Variants in SPRED1 observed in about 807,000 individuals in gnomAD.
The protein encoded by SPRED1 is sprouty-related, EVH1 domain-containing protein 1.
In SPRED1, 18 loss-of-function variants were observed where a neutral mutation model predicts 52.3. The observed-to-expected ratio is 0.34, with a 90% CI of 0.24 to 0.51. The LOEUF (loss-of-function observed/expected upper bound fraction) is 0.51. Among genes scored for constraint, SPRED1 ranks in the 20% least tolerant of loss-of-function variants. The pLI is 0.97. For synonymous variants in SPRED1, 155 were observed against 179.7 expected, an observed-to-expected ratio of 0.86 and a Z score of 1.10; for missense variants, 485 against 551.0, an observed-to-expected ratio of 0.88 and a Z score of 1.20.
chr15:38,311,707 A>AAT (rs1195966714), intron 2 of SPRED1, among the ~76,000 whole-genome samples: 30 of 152,198 alleles, frequency 2.0e-4, no homozygotes, highest in Admixed American at 2.0e-3. Flanking sequence ...TATGAGCATA[A>AAT]AGTTGTTCTT....
chr15:38,339,256 A>AT (rs934184576), intron 4 of SPRED1, among the ~76,000 whole-genome samples: 18 of 152,126 alleles, frequency 1.2e-4, no homozygotes, highest in Non-Finnish European at 2.1e-4. Context: ...GTTGAGTCTA[A>AT]TTTATTCATT....
chr15:38,268,947 T>C lies in SPRED1; in HGVS notation c.32+15730T>C, dbSNP rs547973295. On this transcript the variant is annotated intron_variant, in intron 1 of 6. Coordinates refer to ENST00000299084, the MANE Select transcript of SPRED1 (RefSeq NM_152594.3). ...TATAGTACTAACTTTTTTCTTTTTT[T>C]TTTTTTTTTTTGAGACAGAGTCCCG... Among the ~76,000 whole-genome samples, 1,272 of 150,638 alleles carry C rather than the reference T, an allele frequency of 8.4e-3. 18 individuals are homozygous for C. Among genetic ancestry groups the C allele is most frequent in the African/African-American group, 0.029 (1,198 of 41,278 alleles).
At chr15:38,272,031 C>T (rs919182056) in intron 1 of SPRED1, among the ~76,000 whole-genome samples, 2 of 152,128 alleles carry the variant, frequency 1.3e-5, no homozygotes, top group African/African-American at 4.8e-5. Flanking sequence ...CCTGAATTCA[C>T]TTAGGATAAT....
At chr15:38,323,607 A>G (rs915157434) in intron 3 of SPRED1, among the ~76,000 whole-genome samples, 2 of 110,882 alleles carry the variant, frequency 1.8e-5, no homozygotes, top group African/African-American at 3.0e-5. Context: ...TTTGAATTTG[A>G]AGAAAAAAAA....
At chr15:38,338,065 A>T (rs1429472424) in intron 4 of SPRED1, among the ~76,000 whole-genome samples, 1 of 127,946 alleles carries the variant, frequency 7.8e-6, no homozygotes, top group African/African-American at 3.0e-5. Context: ...AAAAAAAAAT[A>T]GCTGGGCGTG....
Position 38,355,980 on chromosome 15 carries a change from T to G in SPRED1, c.*4316T>G, listed in dbSNP as rs1398775259. 6.6e-6 allele frequency: 1 copy of G among 152,158 alleles called. No individual in the cohort carries two copies. The highest frequency in any genetic ancestry group is 1.5e-5 in the Non-Finnish European group (1 of 68,004). 9.4% of individuals were successfully genotyped at this position (152,158 alleles called of 1,614,324 possible). A position where few individuals can be genotyped will look rare whatever the true frequency, so the allele number is the denominator to read the frequency against. On this transcript the variant is annotated 3_prime_UTR_variant, in exon 7 of 7. Coordinates refer to ENST00000299084, the MANE Select transcript of SPRED1 (RefSeq NM_152594.3). ...TACTGTTTGCCTAGCAGCCAGGTGG[T>G]TATAAAAGATTCATATGCTTTGGTA...
chr15:38,279,649 T>A (rs551908905), intron 1 of SPRED1, among the ~76,000 whole-genome samples: 5 of 152,326 alleles, frequency 3.3e-5, no homozygotes, highest in African/African-American at 7.2e-5. Flanking sequence ...TTTCCTCATC[T>A]GTAAAATGAG....
At chr15:38,284,081 T>C (rs1894752643) in intron 1 of SPRED1, among the ~76,000 whole-genome samples, 1 of 152,198 alleles carries the variant, frequency 6.6e-6, no homozygotes, top group African/African-American at 2.4e-5. Flanking sequence ...TTCCAGATTA[T>C]CTTTTAAGGC....
rs376226762 is a variant in SPRED1 at position 38,351,016 on chromosome 15, C to G, written c.687C>G (p.Val229=). The change falls in exon 7 of 7, where the codon GTC becomes GTG. Residue 229 remains valine, a splice_region_variant and synonymous_variant. Coordinates refer to ENST00000299084, the MANE Select transcript of SPRED1 (RefSeq NM_152594.3). ...ECGSLKSQNR[V]PLKSIRHVSF... ...GTTTTTATCTGTTTCTTTTTTAGGT[C>G]CCTTTGAAATCAATCAGACATGTCA... is the stretch of plus-strand genomic sequence containing the variant. The G allele has an allele frequency of 6.2e-7, 1 of 1,612,258 alleles. No individual in the cohort carries two copies. The highest frequency in any genetic ancestry group is 1.3e-5 in the African/African-American group (1 of 74,858).
At chr15:38,279,490 A>T (rs983164908) in intron 1 of SPRED1, among the ~76,000 whole-genome samples, 1 of 152,208 alleles carries the variant, frequency 6.6e-6, no homozygotes, top group African/African-American at 2.4e-5. Context: ...GGATGTGTGT[A>T]TGTGGTTTTG....
At chr15:38,295,690 T>C (rs1895021365) in intron 1 of SPRED1, among the ~76,000 whole-genome samples, 1 of 152,168 alleles carries the variant, frequency 6.6e-6, no homozygotes, top group Non-Finnish European at 1.5e-5. Flanking sequence ...GTAAGAGGGA[T>C]AGGGGATAGA....
rs777379558 is a variant in SPRED1 at position 38,351,193 on chromosome 15, A to C, written c.864A>C (p.Lys288Asn). 5.0e-6 allele frequency: 8 copies of C among 1,614,162 alleles called. No homozygotes were observed. The Admixed American group carries it at 1.3e-4, about 27-fold the overall frequency. ...TTCAGTTTTCTAAACCAGACAGTAA[A>C]AAATCAGACTATCTGTACTCTTGTG... Reference protein sequence around the residue: ...SSIQFSKPDSKKSDYLYSCGD... With the variant: ...SSIQFSKPDSNKSDYLYSCGD... Residue 288 changes from lysine to asparagine, a missense_variant, in exon 7 of 7, where the codon AAA becomes AAC. By Grantham distance (94) the Lys-to-Asn change is moderately conservative. This residue lies in a region of SPRED1 where 205 missense variants were observed against 245.2 expected (regional missense o/e 0.84). Transcript: ENST00000299084.
intron 1 of SPRED1, among the ~76,000 whole-genome samples, chr15:38,283,988 A>G (rs1312053529): frequency 6.6e-6 from 1 of 152,148 alleles, no homozygotes; most frequent in Non-Finnish European, 1.5e-5. Flanking sequence ...TTCTTTGTCC[A>G]TGTGATTATA....
intron 1 of SPRED1, among the ~76,000 whole-genome samples, chr15:38,284,279 A>G (rs1894755672): frequency 6.6e-6 from 1 of 152,080 alleles, no homozygotes; most frequent in Admixed American, 6.6e-5. Context: ...TTTTTATTTT[A>G]CCATAATAAA....
At chr15:38,273,292 C>T (rs1224428429) in intron 1 of SPRED1, among the ~76,000 whole-genome samples, 1 of 152,030 alleles carries the variant, frequency 6.6e-6, no homozygotes, top group African/African-American at 2.4e-5. Flanking sequence ...TTTGAAGAAA[C>T]ATCTTTATGT....
chr15:38,266,603 T>G (rs1700292830), intron 1 of SPRED1, among the ~76,000 whole-genome samples: 3 of 152,172 alleles, frequency 2.0e-5, no homozygotes, highest in Admixed American at 6.5e-5. Flanking sequence ...GATCGTGCAC[T>G]GTGCTCCAGC....
At chr15:38,278,770 A>G (rs1272348603) in intron 1 of SPRED1, among the ~76,000 whole-genome samples, 1 of 6,754 alleles carries the variant, frequency 1.5e-4, no homozygotes, top group Non-Finnish European at 9.4e-4. Context: ...AGAATGACAA[A>G]GAAAAAAAAG....
chr15:38,291,914 A>G (rs1018970085), intron 1 of SPRED1, among the ~76,000 whole-genome samples: 1 of 152,210 alleles, frequency 6.6e-6, no homozygotes, highest in African/African-American at 2.4e-5. Context: ...GCTCCTTTCT[A>G]CTTAAGCAAA....
At chr15:38,291,019 CAAG>C (rs1475662760) in intron 1 of SPRED1, among the ~76,000 whole-genome samples, 6 of 152,114 alleles carry the variant, frequency 3.9e-5, no homozygotes, top group African/African-American at 1.4e-4. Flanking sequence ...CGAGACAAGG[CAAG>C]TCCCTCTGCT....
Sources: gnomAD v4.1 joint callset for allele counts (sites outside exome capture counted in the v4.1 genomes callset) on GRCh38, gnomAD v4.1.1 for gene constraint, gnomAD v4.1.1 regional missense constraint, MANE v1.5 for transcripts, NCBI Gene and HGNC (gene_info 2026-07-23, HGNC 2026-07-21) for gene names.